The following SNTG1 variants were observed in gnomAD, a reference collection of about 807,000 sequenced individuals.
SNTG1 encodes the protein gamma-1-syntrophin.
In SNTG1, 39 loss-of-function variants were observed where a neutral mutation model predicts 74.7. The ratio of observed to expected loss-of-function variants is 0.52; its 90% CI spans 0.40 to 0.68. SNTG1 has a LOEUF of 0.68. SNTG1 is among the 30% of genes least tolerant of loss of function. SNTG1 has a pLI of 0.00. For synonymous variants in SNTG1, 254 were observed against 217.1 expected, an observed-to-expected ratio of 1.17 and a Z score of -1.49; for missense variants, 685 against 609.5, an observed-to-expected ratio of 1.12 and a Z score of -1.30.
intron 1 of SNTG1, among the ~76,000 whole-genome samples, chr8:49,974,847 A>C (rs1563418183): frequency 6.6e-6 from 1 of 152,218 alleles, no homozygotes; most frequent in Non-Finnish European, 1.5e-5. Flanking sequence ...TTATGGCATA[A>C]AAGAATCTTG....
At chr8:50,332,383 TG>T (rs2090998711) in intron 2 of SNTG1, among the ~76,000 whole-genome samples, 1 of 152,042 alleles carries the variant, frequency 6.6e-6, no homozygotes, top group Non-Finnish European at 1.5e-5. Flanking sequence ...TGTACATCCA[TG>T]GCCCCCACCA....
At chr8:50,022,177 G>A (rs1344065627) in intron 1 of SNTG1, among the ~76,000 whole-genome samples, 2 of 152,054 alleles carry the variant, frequency 1.3e-5, no homozygotes, top group Non-Finnish European at 2.9e-5. Flanking sequence ...AGAATGAATG[G>A]GATTCAGAAA....
chr8:50,626,026 T>G (rs992348061), intron 13 of SNTG1, among the ~76,000 whole-genome samples: 1 of 152,092 alleles, frequency 6.6e-6, no homozygotes, highest in Non-Finnish European at 1.5e-5. Context: ...ATTATATAAG[T>G]TGTTCAAAGT....
chr8:49,935,043 A>G (rs1235363433), intron 1 of SNTG1, among the ~76,000 whole-genome samples: 1 of 152,138 alleles, frequency 6.6e-6, no homozygotes, highest in African/African-American at 2.4e-5. Context: ...ATCCCGTACC[A>G]TAAAGGTTGA....
intron 2 of SNTG1, among the ~76,000 whole-genome samples, chr8:50,317,802 C>T (rs1177556911): frequency 3.9e-5 from 6 of 152,134 alleles, no homozygotes; most frequent in African/African-American, 1.4e-4. Flanking sequence ...AGATTAAGTA[C>T]TATCTCTATG....
At chr8:50,028,389 T>G (rs1817451296) in intron 1 of SNTG1, among the ~76,000 whole-genome samples, 1 of 152,130 alleles carries the variant, frequency 6.6e-6, no homozygotes, top group Non-Finnish European at 1.5e-5. Flanking sequence ...TTTACAGGTT[T>G]TGGTTATTGA....
intron 1 of SNTG1, among the ~76,000 whole-genome samples, chr8:50,077,700 C>T (rs1421940842): frequency 6.6e-6 from 1 of 152,136 alleles, no homozygotes; most frequent in African/African-American, 2.4e-5. Flanking sequence ...CTTCCATCAT[C>T]CTAAAGTGCT....
At chr8:50,563,026 A>G (rs1005060507) in intron 12 of SNTG1, among the ~76,000 whole-genome samples, 3 of 152,126 alleles carry the variant, frequency 2.0e-5, no homozygotes, top group Non-Finnish European at 4.4e-5. Flanking sequence ...TTCAAATATC[A>G]CAGGAAACCA....
At chr8:50,006,428 A>G (rs1331965425) in intron 1 of SNTG1, among the ~76,000 whole-genome samples, 1 of 151,870 alleles carries the variant, frequency 6.6e-6, no homozygotes, top group Non-Finnish European at 1.5e-5. Context: ...GTGTTCTGTG[A>G]TTGTCTTTTA....
chr8:49,950,531 G>A (rs915972748), intron 1 of SNTG1, among the ~76,000 whole-genome samples: 11 of 151,978 alleles, frequency 7.2e-5, no homozygotes, highest in Admixed American at 7.2e-4. Flanking sequence ...CCAGTATTTT[G>A]TCATACTAAT....
chr8:50,399,054 G>A (rs989425800), intron 3 of SNTG1, among the ~76,000 whole-genome samples: 3 of 152,220 alleles, frequency 2.0e-5, no homozygotes, highest in African/African-American at 4.8e-5. Flanking sequence ...TAATAAATGT[G>A]TGGGATTTTA....
chr8:50,662,227 C>T (rs1256181934), intron 15 of SNTG1, among the ~76,000 whole-genome samples: 1 of 152,090 alleles, frequency 6.6e-6, no homozygotes, highest in Non-Finnish European at 1.5e-5. Context: ...AAAATGGATC[C>T]CTCAGGTGAG....
rs887633967 is a variant in SNTG1, at chr8:50,040,299, A to C, written c.-103+128068A>C. 3.5e-4 allele frequency among the ~76,000 whole-genome samples: 53 copies of C among 152,208 alleles called. 1 individual carries two copies. Among genetic ancestry groups the C allele is most frequent in the Non-Finnish European group, 1.2e-4 (8 of 68,040 alleles). On this transcript the variant is annotated intron_variant, in intron 1 of 18. Coordinates refer to ENST00000642720, the MANE Select transcript of SNTG1 (RefSeq NM_018967.5). ...GCATTTAACTCCATATCTTTTTATA[A>C]AAATTATATATGTAAAAAAAATTTA...
At chr8:50,108,718 T>C (rs2080473682) in intron 1 of SNTG1, among the ~76,000 whole-genome samples, 1 of 152,198 alleles carries the variant, frequency 6.6e-6, no homozygotes, top group Non-Finnish European at 1.5e-5. Context: ...AATCCTACTA[T>C]GTCCAGCTCC....
intron 2 of SNTG1, among the ~76,000 whole-genome samples, chr8:50,293,842 C>T (rs551368844): frequency 6.6e-6 from 1 of 152,142 alleles, no homozygotes; most frequent in East Asian, 1.9e-4. Context: ...ACTTAGACCA[C>T]ACAAATCCTA....
At chr8:50,163,335 C>G (rs1387782968) in intron 1 of SNTG1, among the ~76,000 whole-genome samples, 1 of 151,914 alleles carries the variant, frequency 6.6e-6, no homozygotes, top group African/African-American at 2.4e-5. Context: ...GACGACTTTT[C>G]TGTGTCGCTT....
At chr8:50,102,204 ATCCTC>A (rs2080160831) in intron 1 of SNTG1, among the ~76,000 whole-genome samples, 1 of 145,564 alleles carries the variant, frequency 6.9e-6, no homozygotes, top group Non-Finnish European at 1.5e-5. Context: ...ATTTCTCCAC[ATCCTC>A]TCCAGCACCT....
chr8:50,602,692 G>A (rs1016260735), intron 13 of SNTG1, among the ~76,000 whole-genome samples: 1 of 152,076 alleles, frequency 6.6e-6, no homozygotes, highest in Non-Finnish European at 1.5e-5. Flanking sequence ...GACAGGTCTG[G>A]TGTTGATGAA....
chr8:50,147,209 C>T (rs374677186), intron 1 of SNTG1, among the ~76,000 whole-genome samples: 1 of 152,090 alleles, frequency 6.6e-6, no homozygotes, highest in Non-Finnish European at 1.5e-5. Flanking sequence ...AATTTGAAAA[C>T]AGGTCATTTA....
Sources: allele counts gnomAD v4.1 joint callset (sites outside exome capture counted in the v4.1 genomes callset), GRCh38; gene constraint gnomAD v4.1.1; transcripts MANE v1.5; gene names NCBI Gene and HGNC (gene_info 2026-07-23, HGNC 2026-07-21).